Variants in MINDY4 observed in about 807,000 individuals in gnomAD.
The protein encoded by MINDY4 is probable ubiquitin carboxyl-terminal hydrolase MINDY-4.
In MINDY4, 68 loss-of-function variants were observed where a neutral mutation model predicts 87.0. The ratio of observed to expected loss-of-function variants is 0.78; its 90% CI spans 0.64 to 0.96. The LOEUF (loss-of-function observed/expected upper bound fraction) is 0.96, where lower values mean the gene tolerates loss of function less well. Among genes scored for constraint, MINDY4 ranks in the 40% least tolerant of loss-of-function variants. The probability of loss-of-function intolerance (pLI) is 0.00; values close to 1 mark genes in which losing one functional copy is unlikely to be tolerated. For synonymous variants in MINDY4, 379 were observed against 363.2 expected, an observed-to-expected ratio of 1.04 and a Z score of -0.50; for missense variants, 919 against 928.2, an observed-to-expected ratio of 0.99 and a Z score of 0.13.
chr7:30,854,899 C>A (rs1038772262), intron 12 of MINDY4, among the ~76,000 whole-genome samples: 1 of 152,212 alleles, frequency 6.6e-6, no homozygotes. Flanking sequence ...GGGGAGAGGC[C>A]TCAGGGCCTG....
At chr7:30,875,424 C>G (rs1790227965) in intron 14 of MINDY4, 71 bp from the exon 15 acceptor site, 4 of 1,548,956 alleles carry the variant, frequency 2.6e-6, no homozygotes, top group Non-Finnish European at 3.6e-6. Context: ...TTGTCTTTCC[C>G]CAGTCTCCTC....
chr7:30,875,001 A>G (rs777199959), intron 14 of MINDY4, among the ~76,000 whole-genome samples: 14 of 152,254 alleles, frequency 9.2e-5, no homozygotes, highest in South Asian at 6.2e-4. Context: ...AACATCGTTT[A>G]AGACTCACCC....
chr7:30,869,094 G>A (rs868266045), intron 13 of MINDY4, among the ~76,000 whole-genome samples: 3 of 152,240 alleles, frequency 2.0e-5, no homozygotes, highest in Non-Finnish European at 2.9e-5. Context: ...CCTGGCTCCT[G>A]TCATCCAGCT....
chr7:30,820,077 A>G (rs927634621), intron 5 of MINDY4, among the ~76,000 whole-genome samples: 10 of 150,152 alleles, frequency 6.7e-5, no homozygotes, highest in African/African-American at 2.2e-4. Context: ...AATTTTTTGT[A>G]TTTTTAGTAG....
chr7:30,863,201 T>A (rs1187607272), intron 13 of MINDY4, among the ~76,000 whole-genome samples: 1 of 152,240 alleles, frequency 6.6e-6, no homozygotes, highest in Admixed American at 6.5e-5. Flanking sequence ...TGTTACCACT[T>A]TGGGCAATTG....
At chr7:30,776,797 C>G (rs943069278) in intron 1 of MINDY4, among the ~76,000 whole-genome samples, 1 of 152,150 alleles carries the variant, frequency 6.6e-6, no homozygotes, top group African/African-American at 2.4e-5. Context: ...GTCTGCTTTC[C>G]CAACAGAACA....
At position 30,791,566 on chromosome 7, in the gene MINDY4, A is replaced by G. The variant is rs1787324048; in HGVS notation, c.1065A>G (p.Ala355=). ...TCAAACGGCAGGGCAGCCAGCCCGC[A>G]CCTGTCAGGTGAGTGTGCTATGCAA... ...RAFKRQGSQP[A]PVRKNQLLPS... The change falls in exon 5 of 18, where the codon GCA becomes GCG. Residue 355 remains alanine (A), a synonymous_variant. Transcript: ENST00000265299. The G allele has an allele frequency of 1.2e-6, 2 of 1,610,428 alleles. No individual in the cohort carries two copies. The highest frequency in any genetic ancestry group is 1.7e-6 in the Non-Finnish European group (2 of 1,178,168).
chr7:30,795,749 G>T (rs1217654334), intron 5 of MINDY4, among the ~76,000 whole-genome samples: 1 of 152,202 alleles, frequency 6.6e-6, no homozygotes, highest in Non-Finnish European at 1.5e-5. Context: ...CTCTAGGGGA[G>T]AATCTGTTTC....
chr7:30,859,196 G>A (rs780928695), intron 12 of MINDY4, 61 bp from the exon 13 acceptor site: 4 of 1,517,500 alleles, frequency 2.6e-6, no homozygotes, highest in Non-Finnish European at 2.7e-6. Flanking sequence ...CCACAGAGGT[G>A]TGGGGCTGGG....
intron 1 of MINDY4, among the ~76,000 whole-genome samples, chr7:30,777,481 G>A (rs1418856058): frequency 6.6e-6 from 1 of 151,882 alleles, no homozygotes; most frequent in East Asian, 1.9e-4. Flanking sequence ...CCTTCCCTAC[G>A]GCCTCCTCTT....
chr7:30,837,511 G>A (rs994190381), intron 7 of MINDY4, among the ~76,000 whole-genome samples: 2 of 152,018 alleles, frequency 1.3e-5, no homozygotes, highest in South Asian at 2.1e-4. Flanking sequence ...TTGTCCTTTC[G>A]TTTCCTTCCC....
chr7:30,871,995 G>A lies in MINDY4; in HGVS notation c.1746-248G>A, dbSNP rs565375473. 3.3e-5 allele frequency among the ~76,000 whole-genome samples: 5 copies of A among 152,260 alleles called. No homozygotes were observed. The South Asian group carries it at 1.0e-3, about 32-fold the overall frequency. ...TCTCTAGTGTAGGCAGAGCCCTGGT[G>A]CGGCTGGAGTGGAGGCCATTGCCCA... On this transcript the variant is annotated intron_variant, in intron 13 of 17. Coordinates refer to ENST00000265299, the MANE Select transcript of MINDY4 (RefSeq NM_032222.3).
chr7:30,777,948 A>G (rs941740755), intron 1 of MINDY4, among the ~76,000 whole-genome samples: 1 of 152,118 alleles, frequency 6.6e-6, no homozygotes, highest in Non-Finnish European at 1.5e-5. Flanking sequence ...ATGACTTAGC[A>G]TTTACCAAGA....
intron 13 of MINDY4, among the ~76,000 whole-genome samples, chr7:30,860,680 C>G (rs1789730642): frequency 6.6e-6 from 1 of 152,116 alleles, no homozygotes; most frequent in Non-Finnish European, 1.5e-5. Flanking sequence ...TGTGTCAGTT[C>G]TGGTGGTCAC....
chr7:30,828,976 G>A (rs991293543), intron 6 of MINDY4, among the ~76,000 whole-genome samples: 10 of 152,042 alleles, frequency 6.6e-5, no homozygotes, highest in African/African-American at 1.9e-4. Context: ...ACACTGTGGG[G>A]CCAGAGAAGC....
At chr7:30,799,977 C>T (rs544462237) in intron 5 of MINDY4, among the ~76,000 whole-genome samples, 1 of 152,234 alleles carries the variant, frequency 6.6e-6, no homozygotes, top group Non-Finnish European at 1.5e-5. Flanking sequence ...TTTTGTGCCC[C>T]TCTTAGTCAT....
chr7:30,880,984 T>C (rs1172054403), intron 15 of MINDY4, among the ~76,000 whole-genome samples: 2 of 152,176 alleles, frequency 1.3e-5, no homozygotes, highest in African/African-American at 4.8e-5. Flanking sequence ...CCCACTCTCC[T>C]GTAAAGGGTT....
rs373160027 is a variant in MINDY4 at position 30,835,947 on chromosome 7, A to G, written c.1133-711A>G. Among the ~76,000 whole-genome samples the G allele has an allele frequency of 2.3e-4, 35 of 152,324 alleles. No individual in the cohort carries two copies. The South Asian group carries it at 5.4e-3, about 23-fold the overall frequency. On this transcript the variant is annotated intron_variant, in intron 6 of 17. Coordinates refer to ENST00000265299, the MANE Select transcript of MINDY4 (RefSeq NM_032222.3). ...CCACTATGAGAAAACAATATCTGGA[A>G]TATGGCTTACGGTCCCTGCTGGAGG...
At chr7:30,814,967 C>T (rs918742351) in intron 5 of MINDY4, among the ~76,000 whole-genome samples, 5 of 152,102 alleles carry the variant, frequency 3.3e-5, no homozygotes, top group African/African-American at 9.7e-5. Flanking sequence ...TTGTTTTAAG[C>T]CATGCTTTGA....
Sources: gnomAD v4.1 joint callset for allele counts (sites outside exome capture counted in the v4.1 genomes callset) on GRCh38, gnomAD v4.1.1 for gene constraint, MANE v1.5 for transcripts, NCBI Gene and HGNC (gene_info 2026-07-23, HGNC 2026-07-21) for gene names.